MAP4K4: variants seen among roughly 807,000 people sequenced by gnomAD.
MAP4K4 encodes the protein HPK/GCK-like kinase HGK.
In MAP4K4, 38 loss-of-function variants were observed where a neutral mutation model predicts 189.6. The observed-to-expected ratio is 0.20, with a 90% CI of 0.15 to 0.26. The LOEUF is 0.26. Among genes scored for constraint, MAP4K4 ranks in the 10% least tolerant of loss-of-function variants. The pLI is 1.00. For synonymous variants in MAP4K4, 610 were observed against 624.3 expected, an observed-to-expected ratio of 0.98 and a Z score of 0.34; for missense variants, 1,054 against 1,726.9, an observed-to-expected ratio of 0.61 and a Z score of 6.91.
At chr2:101,700,360 T>TA (rs1337560222) in intron 2 of MAP4K4, among the ~76,000 whole-genome samples, 2 of 152,236 alleles carry the variant, frequency 1.3e-5, no homozygotes, top group African/African-American at 4.8e-5. Flanking sequence ...GAGCGCTAGC[T>TA]ACGTTTGGTA....
intron 2 of MAP4K4, among the ~76,000 whole-genome samples, chr2:101,767,245 A>G (rs1006459223): frequency 2.6e-5 from 4 of 152,024 alleles, no homozygotes; most frequent in African/African-American, 4.8e-5. Context: ...AAAAAGCCAC[A>G]GTGGCATGTT....
At chr2:101,860,073 A>G (rs540024410) in intron 15 of MAP4K4, 11 of 598,850 alleles carry the variant, frequency 1.8e-5, no homozygotes, top group Non-Finnish European at 2.7e-5. Context: ...ATAAAGGACC[A>G]GAGTGCCTCA....
In MAP4K4 at chr2:101,803,299, CTG is replaced by C. The variant is rs201994584; in HGVS notation, c.180+12527_180+12528del. On this transcript the variant is annotated intron_variant, in intron 3 of 32. Coordinates refer to ENST00000324219, the Ensembl canonical transcript of MAP4K4. ...TGTGTGTGTTTGTGTGTGTGTCTGTCTGTGTCTGTGTCTGTCTGTGTGCACAG... is the reference window on the plus strand; with the variant it reads ...TGTGTGTGTTTGTGTGTGTGTCTGTCTGTCTGTGTCTGTCTGTGTGCACAG... Among the ~76,000 whole-genome samples, 441 of 140,344 alleles carry C rather than the reference CTG, an allele frequency of 3.1e-3. 2 individuals are homozygous for C. The highest frequency in any genetic ancestry group is 0.013 in the African/African-American group (425 of 31,796). 92.1% of individuals were successfully genotyped at this position (140,344 alleles called of 152,430 possible).
intron 12 of MAP4K4, among the ~76,000 whole-genome samples, chr2:101,852,747 A>G (rs980100234): frequency 6.6e-6 from 1 of 152,206 alleles, no homozygotes. Context: ...ATGCACAGTT[A>G]GACTACCCTG....
intron 9 of MAP4K4, 123 bp from the exon 10 acceptor site, chr2:101,839,696 C>G: frequency 1.4e-6 from 1 of 694,614 alleles, no homozygotes; most frequent in Non-Finnish European, 2.4e-6. Flanking sequence ...TATTCCTATG[C>G]ATTTGCAGAA....
intron 3 of MAP4K4, among the ~76,000 whole-genome samples, chr2:101,807,426 A>T (rs1384089885): frequency 6.6e-6 from 1 of 151,986 alleles, no homozygotes; most frequent in East Asian, 1.9e-4. Flanking sequence ...GGAACTGACT[A>T]CCTTCACAGA....
chr2:101,859,653 G>C (rs1319086884), exon 15 of MAP4K4: 1 of 1,606,726 alleles, frequency 6.2e-7, no homozygotes, highest in Non-Finnish European at 8.5e-7. Context: ...GAGTGCCGAT[G>C]GCGGGAGATG....
At chr2:101,870,531 T>A (rs1288119736) in intron 23 of MAP4K4, 116 bp downstream of exon 23, 2 of 1,409,106 alleles carry the variant, frequency 1.4e-6, no homozygotes. Flanking sequence ...TGTTAACAAG[T>A]CCCAGAGGGT....
intron 3 of MAP4K4, among the ~76,000 whole-genome samples, chr2:101,812,518 A>G (rs1237203006): frequency 6.6e-6 from 1 of 152,226 alleles, no homozygotes; most frequent in African/African-American, 2.4e-5. Flanking sequence ...CACAATGGCA[A>G]GTTAATGAAC....
chr2:101,720,964 A>G (rs1269998054), intron 2 of MAP4K4, among the ~76,000 whole-genome samples: 1 of 152,220 alleles, frequency 6.6e-6, no homozygotes, highest in Non-Finnish European at 1.5e-5. Context: ...ATTAATAAAA[A>G]CCACATTTAA....
At chr2:101,871,949 T>C (rs1026609781) in intron 24 of MAP4K4, among the ~76,000 whole-genome samples, 1 of 152,262 alleles carries the variant, frequency 6.6e-6, no homozygotes, top group African/African-American at 2.4e-5. Flanking sequence ...TTATCTAGTT[T>C]ATTTTTTAAA....
chr2:101,856,180 T>TTA (rs1394011287), intron 13 of MAP4K4, 42 bp downstream of exon 13: 1 of 1,534,974 alleles, frequency 6.5e-7, no homozygotes, highest in South Asian at 1.2e-5. Context: ...CTTGTGAAGT[T>TTA]TGTTACTTTG....
chr2:101,840,970 A>G (rs1384607559), intron 10 of MAP4K4, among the ~76,000 whole-genome samples: 2 of 152,230 alleles, frequency 1.3e-5, no homozygotes, highest in African/African-American at 4.8e-5. Flanking sequence ...GTTTGAAAAC[A>G]AGACTTTTTT....
At chr2:101,844,174 C>G in exon 12 of MAP4K4, 1 of 1,612,022 alleles carries the variant, frequency 6.2e-7, no homozygotes, top group South Asian at 1.1e-5. Context: ...GAACAAGGAA[C>G]GTTCCGAGGC....
At chr2:101,788,720 G>A (rs978402388) in intron 2 of MAP4K4, among the ~76,000 whole-genome samples, 2 of 152,108 alleles carry the variant, frequency 1.3e-5, no homozygotes, top group Non-Finnish European at 2.9e-5. Flanking sequence ...TTATAAAGCA[G>A]ATGCTGAGTG....
At chr2:101,712,714 T>G (rs1300823988) in intron 2 of MAP4K4, among the ~76,000 whole-genome samples, 1 of 151,928 alleles carries the variant, frequency 6.6e-6, no homozygotes. Context: ...CAGGCTGGTC[T>G]CAAACTCCTG....
chr2:101,792,616 C>CTCG (rs1014931264), intron 3 of MAP4K4, among the ~76,000 whole-genome samples: 1 of 151,506 alleles, frequency 6.6e-6, no homozygotes, highest in African/African-American at 2.4e-5. Flanking sequence ...CCTCCTCCTC[C>CTCG]TCCTCCTCCT....
chr2:101,814,963 G>C (rs1271894492), intron 3 of MAP4K4, among the ~76,000 whole-genome samples: 1 of 152,198 alleles, frequency 6.6e-6, no homozygotes, highest in African/African-American at 2.4e-5. Context: ...TCACTGAGCT[G>C]TGTAAATACT....
chr2:101,814,048 T>C (rs1310039160), intron 3 of MAP4K4, among the ~76,000 whole-genome samples: 2 of 152,178 alleles, frequency 1.3e-5, no homozygotes, highest in Non-Finnish European at 2.9e-5. Flanking sequence ...GATATTTAAT[T>C]ATTGAAGGCA....
Sources: allele counts gnomAD v4.1 joint callset (sites outside exome capture counted in the v4.1 genomes callset), GRCh38; gene constraint gnomAD v4.1.1; transcripts MANE v1.5; gene names NCBI Gene and HGNC (gene_info 2026-07-23, HGNC 2026-07-21).